PTPRF: variants seen among roughly 807,000 people sequenced by gnomAD.
PTPRF encodes the protein receptor-type tyrosine-protein phosphatase F.
PTPRF carries 59 observed loss-of-function variants against 201.8 expected under a neutral mutation model. The observed-to-expected ratio is 0.29, with a 90% CI of 0.24 to 0.36. PTPRF has a LOEUF of 0.36. Ranked by LOEUF, PTPRF falls within the 10% of genes least tolerant of loss-of-function variation. The pLI is 1.00. For synonymous variants in PTPRF, 1,088 were observed against 1,089.7 expected (o/e 1.00, Z 0.03); for missense variants, 2,132 against 2,690.5 (o/e 0.79, Z 4.59).
Position 43,553,533 on chromosome 1 carries a change from C to T in PTPRF, c.133C>T (p.Leu45=). The change falls in exon 4 of 34, where the codon CTG becomes TTG. Residue 45 remains leucine, a synonymous_variant. Transcript: ENST00000359947. The surrounding 1 kb of genome is among the most constrained non-coding windows in gnomAD (Gnocchi z 4.1). The stretch of plus-strand genomic sequence containing the variant: ...TAAAGTCCCTGAGGACCAGACTGGG[C>T]TGTCAGGAGGGGTAGCCTCCTTCGT... ...FIKVPEDQTG[L]SGGVASFVCQ... 1 of 1,614,060 alleles carries T rather than the reference C, an allele frequency of 6.2e-7. No individual in the cohort carries two copies. The highest frequency in any genetic ancestry group is 8.5e-7 in the Non-Finnish European group (1 of 1,179,916).
intron 6 of PTPRF, 151 bp from the exon 7 acceptor site, chr1:43,578,659 T>C: frequency 1.6e-6 from 1 of 629,006 alleles, no homozygotes. Context: ...CAGGGAGAGC[T>C]TCCTGGAAGC....
chr1:43,576,266 A>G (rs930719433), intron 6 of PTPRF, among the ~76,000 whole-genome samples: 1 of 152,180 alleles, frequency 6.6e-6, no homozygotes, highest in South Asian at 2.1e-4. Flanking sequence ...GCTTCCCTAG[A>G]CAGAAGAGCT....
chr1:43,597,624 A>C, intron 11 of PTPRF, 124 bp from the exon 12 acceptor site: 14 of 705,806 alleles, frequency 2.0e-5, no homozygotes, highest in Non-Finnish European at 2.9e-5. Flanking sequence ...GGACCCTGGG[A>C]TGGCCATTTC....
At chr1:43,605,046 T>A (rs1654734772) in intron 17 of PTPRF, 46 bp downstream of exon 17, 4 of 1,592,146 alleles carry the variant, frequency 2.5e-6, no homozygotes, top group Non-Finnish European at 3.4e-6. Context: ...CACACAGGCC[T>A]GCTGGGTGCT....
At chr1:43,544,498 A>T (rs1433662228) in intron 2 of PTPRF, among the ~76,000 whole-genome samples, 4 of 152,152 alleles carry the variant, frequency 2.6e-5, no homozygotes, top group Middle Eastern at 3.2e-3. Flanking sequence ...GTGCTCGTGG[A>T]GTCTGGCCTC....
chr1:43,615,869 C>G (rs1300555548), intron 23 of PTPRF, among the ~76,000 whole-genome samples: 1 of 152,154 alleles, frequency 6.6e-6, no homozygotes, highest in African/African-American at 2.4e-5. Context: ...CAGGCCTGCT[C>G]TGTTGTCTTT....
intron 6 of PTPRF, chr1:43,576,033 T>G (rs1259534892): frequency 9.4e-7 from 1 of 1,069,292 alleles, no homozygotes; most frequent in Admixed American, 2.2e-5. Flanking sequence ...CCCAACCTCT[T>G]CAGCCTCCTC....
chr1:43,591,464 G>A lies in PTPRF; in HGVS notation c.1442G>A (p.Gly481Asp). ...LLTTVGSLLP[G>D]ITYSLRVLAF... ...ACGACCGTGGGCAGCCTGCTGCCTG[G>A]CATCACCTACAGCCTGCGCGTGCTT... Residue 481 changes from glycine (G) to aspartate (D), a missense_variant, in exon 9 of 34, where the codon GGC becomes GAC. Physicochemically the swap from Gly to Asp is moderately conservative, Grantham distance 94. Transcript: ENST00000359947. The A allele has an allele frequency of 1.3e-6, 2 of 1,596,462 alleles. No individual in the cohort carries two copies.
intron 8 of PTPRF, among the ~76,000 whole-genome samples, 182 bp downstream of exon 8, chr1:43,589,182 C>T (rs750884762): frequency 2.0e-5 from 3 of 151,586 alleles, no homozygotes; most frequent in Non-Finnish European, 2.9e-5. Context: ...TGTTATTAGC[C>T]GGCTTAATGA....
At chr1:43,614,039 T>C (rs950407929) in intron 23 of PTPRF, among the ~76,000 whole-genome samples, 1 of 152,106 alleles carries the variant, frequency 6.6e-6, no homozygotes, top group Non-Finnish European at 1.5e-5. Context: ...CATACAGACA[T>C]AGATCAGTGA....
rs1441860659 is a variant in PTPRF, at chr1:43,603,849, C to G, written c.2697C>G (p.Gly899=). Residue 899 remains glycine (G), a synonymous_variant, in exon 16 of 34, where the codon GGC becomes GGG. Transcript: ENST00000359947. The surrounding 1 kb of genome is among the most constrained non-coding windows in gnomAD (Gnocchi z 5.8). ...IFRLAAKNRA[G]LGEEFEKEIR... ...GGCTTGCTGCCAAGAACCGGGCTGGCTTGGGTGAGGAGTTCGAGAAGGAGA... is the reference window on the plus strand; with the variant it reads ...GGCTTGCTGCCAAGAACCGGGCTGGGTTGGGTGAGGAGTTCGAGAAGGAGA... 2.5e-6 allele frequency: 4 copies of G among 1,614,104 alleles called. No homozygotes were observed. The highest frequency in any genetic ancestry group is 4.5e-5 in the East Asian group (2 of 44,884).
intron 23 of PTPRF, among the ~76,000 whole-genome samples, chr1:43,614,101 G>A (rs796921580): frequency 3.3e-5 from 5 of 152,340 alleles, no homozygotes; most frequent in East Asian, 1.9e-4. Context: ...GGCCAGCACC[G>A]GTCTGGGCAC....
rs749489783 is a variant in PTPRF, at chr1:43,605,247, G to A, written c.3193G>A (p.Ala1065Thr). 3 of 1,609,460 alleles carry A rather than the reference G, an allele frequency of 1.9e-6. No individual in the cohort carries two copies. Among genetic ancestry groups the A allele is most frequent in the Admixed American group, 1.7e-5 (1 of 59,952 alleles). Residue 1065 changes from alanine to threonine, a missense_variant, in exon 18 of 34, where the codon GCA becomes ACA. Transcript: ENST00000359947. ...VDGHSMRKLI[A>T]DLQPNTEYSF... Reference sequence around the variant, plus strand: ...CGGGCACTCGATGCGGAAGCTGATCGCAGACCTGCAGCCCAACACAGAGTA... The same window carrying A: ...CGGGCACTCGATGCGGAAGCTGATCACAGACCTGCAGCCCAACACAGAGTA...
chr1:43,617,539 ACT>A lies in PTPRF; in HGVS notation c.4170_4171del (p.Arg1391SerfsTer13). 1 of 1,613,494 alleles carries A rather than the reference ACT, an allele frequency of 6.2e-7. No individual in the cohort carries two copies. The highest frequency in any genetic ancestry group is 8.5e-7 in the Non-Finnish European group (1 of 1,179,902). On this transcript the variant is annotated frameshift_variant, in exon 24 of 34. Coordinates refer to ENST00000359947, the MANE Select transcript of PTPRF (RefSeq NM_002840.5). LOFTEE classifies it high-confidence loss of function. Reference sequence around the variant, plus strand: ...TATGCGAATGTCATCGCCTACGACCACTCTCGAGTCATCCTTACCTCTATCGA... The same window carrying A: ...TATGCGAATGTCATCGCCTACGACCACTCGAGTCATCCTTACCTCTATCGA...
Position 43,598,920 on chromosome 1 carries a change from C to T in PTPRF, c.2313+7C>T, listed in dbSNP as rs370639746. On this transcript the variant is annotated splice_region_variant and intron_variant, in intron 13 of 33. Transcript: ENST00000359947. Reference sequence around the variant, plus strand: ...CATGCTAGCCGAGGCCCAGGTGCAGCATTGGGTGGTGGTGGGGTGGCAGGG... The same window carrying T: ...CATGCTAGCCGAGGCCCAGGTGCAGTATTGGGTGGTGGTGGGGTGGCAGGG... The T allele has an allele frequency of 5.0e-6, 8 of 1,611,070 alleles. No homozygotes were observed. The African/African-American group carries it at 6.7e-5, about 13-fold the overall frequency.
intron 21 of PTPRF, 127 bp from the exon 22 acceptor site, chr1:43,609,256 G>T: frequency 1.4e-6 from 1 of 707,262 alleles, no homozygotes. Flanking sequence ...CAGAGATCCT[G>T]GGAAGAGGTG....
In PTPRF at chr1:43,591,212, G is replaced by T; in HGVS notation, c.1190G>T (p.Arg397Leu). The T allele has an allele frequency of 6.2e-7, 1 of 1,605,462 alleles. No individual in the cohort carries two copies. The highest frequency in any genetic ancestry group is 8.5e-7 in the Non-Finnish European group (1 of 1,175,928). The change falls in exon 9 of 34, where the codon CGA becomes CTA. Residue 397 changes from arginine (R) to leucine (L), a missense_variant. Physicochemically the swap from Arg to Leu is moderately radical, Grantham distance 102. Around this residue, in one of 6 missense-constraint regions of PTPRF, gnomAD observed 351 missense variants for 401.7 expected, o/e 0.87. Coordinates refer to ENST00000359947, the MANE Select transcript of PTPRF (RefSeq NM_002840.5). Reference sequence around the variant, plus strand: ...GTGCTGGCGGTGAACAGCATCGGGCGAGGGCCGCCCAGCGAGGCAGTGCGG... The same window carrying T: ...GTGCTGGCGGTGAACAGCATCGGGCTAGGGCCGCCCAGCGAGGCAGTGCGG... ...FRVLAVNSIG[R>L]GPPSEAVRAR...
intron 5 of PTPRF, among the ~76,000 whole-genome samples, chr1:43,558,702 C>T (rs1269215339): frequency 6.6e-6 from 1 of 152,218 alleles, no homozygotes; most frequent in Non-Finnish European, 1.5e-5. Flanking sequence ...AACCCGCCCG[C>T]TGCCGCCACT....
chr1:43,583,961 G>C (rs1278725659), intron 7 of PTPRF, among the ~76,000 whole-genome samples: 3 of 152,086 alleles, frequency 2.0e-5, no homozygotes, highest in African/African-American at 7.3e-5. Context: ...GTAACTGAAC[G>C]GTCAGCTGCA....
Sources: gnomAD v4.1 joint callset for allele counts (sites outside exome capture counted in the v4.1 genomes callset) on GRCh38, gnomAD v4.1.1 for gene constraint, gnomAD v4.1.1 regional missense constraint, Gnocchi (gnomAD v3.1) non-coding constraint, MANE v1.5 for transcripts, NCBI Gene and HGNC (gene_info 2026-07-23, HGNC 2026-07-21) for gene names.